The following MTX2 variants were observed in gnomAD, a reference collection of about 807,000 sequenced individuals.
MTX2 encodes metaxin 2, also known as metaxin-2.
Under a neutral mutation model 42.3 loss-of-function variants are expected in MTX2, and 35 were observed. The observed-to-expected ratio is 0.83, with a 90% CI of 0.63 to 1.10. MTX2 has a LOEUF of 1.10. Among genes scored for constraint, MTX2 ranks in the 50% least tolerant of loss-of-function variants. The pLI is 0.00. For missense variants in MTX2, 307 were observed against 304.1 expected (o/e 1.01, Z -0.07); for synonymous variants, 119 against 100.9 (o/e 1.18, Z -1.08).
At chr2:176,335,344 C>CA (rs1263168834) in intron 9 of MTX2, among the ~76,000 whole-genome samples, 2 of 152,020 alleles carry the variant, frequency 1.3e-5, no homozygotes, top group African/African-American at 4.8e-5. Context: ...GCTAAAGAGG[C>CA]AGGCAGAGGC....
chr2:176,304,369 C>A (rs1417745518), intron 3 of MTX2: 1 of 153,540 alleles, frequency 6.5e-6, no homozygotes, highest in African/African-American at 2.4e-5. Flanking sequence ...TTCACAGGTA[C>A]AAAGGAATTT....
chr2:176,300,485 A>G (rs190544654), intron 3 of MTX2, among the ~76,000 whole-genome samples: 3 of 152,248 alleles, frequency 2.0e-5, no homozygotes, highest in African/African-American at 7.2e-5. Flanking sequence ...TGTATTTTAC[A>G]CTTACAGTAC....
At chr2:176,270,384 T>C (rs368307266) in intron 1 of MTX2, 65 of 1,363,928 alleles carry the variant, frequency 4.8e-5, no homozygotes, top group Non-Finnish European at 6.1e-5. Flanking sequence ...AGAAATACTT[T>C]TGAGTCGGTG....
chr2:176,297,958 G>GC (rs1167561517), intron 3 of MTX2, 63 bp downstream of exon 3: 3 of 1,287,082 alleles, frequency 2.3e-6, no homozygotes, highest in Non-Finnish European at 2.1e-6. Flanking sequence ...ATTTTGACTT[G>GC]CAGTTATATT....
chr2:176,287,133 TAAG>T (rs1331893273), intron 1 of MTX2, among the ~76,000 whole-genome samples: 3 of 152,204 alleles, frequency 2.0e-5, no homozygotes, highest in Non-Finnish European at 4.4e-5. Context: ...AAGGTACACA[TAAG>T]GAGATAGGCC....
chr2:176,280,797 A>G (rs994632664), intron 1 of MTX2, among the ~76,000 whole-genome samples: 8 of 152,222 alleles, frequency 5.3e-5, no homozygotes, highest in Non-Finnish European at 1.2e-4. Flanking sequence ...AAATTTCCAC[A>G]TCACACAGTA....
At chr2:176,323,118 A>G (rs982395110) in intron 3 of MTX2, among the ~76,000 whole-genome samples, 1 of 151,912 alleles carries the variant, frequency 6.6e-6, no homozygotes, top group East Asian at 1.9e-4. Flanking sequence ...CTAATACAGT[A>G]ACATAAATGT....
chr2:176,332,358 A>G (rs1032270972), intron 9 of MTX2, among the ~76,000 whole-genome samples: 6 of 151,340 alleles, frequency 4.0e-5, no homozygotes, highest in South Asian at 2.1e-4. Context: ...GTGAGATACT[A>G]TGTTGAATAG....
At chr2:176,316,038 G>A (rs1307501505) in intron 3 of MTX2, among the ~76,000 whole-genome samples, 4 of 152,168 alleles carry the variant, frequency 2.6e-5, no homozygotes, top group African/African-American at 9.7e-5. Flanking sequence ...AAGACTTTAT[G>A]TTGCCTGCTT....
chr2:176,305,864 T>C (rs1684130297), intron 3 of MTX2, among the ~76,000 whole-genome samples: 1 of 152,142 alleles, frequency 6.6e-6, no homozygotes, highest in African/African-American at 2.4e-5. Flanking sequence ...TCACTCTCTT[T>C]AAAGCTTTTT....
At chr2:176,331,778 A>T (rs1323551860) in intron 9 of MTX2, among the ~76,000 whole-genome samples, 1 of 151,140 alleles carries the variant, frequency 6.6e-6, no homozygotes, top group East Asian at 1.9e-4. Context: ...AATGTATCCA[A>T]ATGTCAATAT....
At chr2:176,278,738 G>C (rs1428571026) in intron 1 of MTX2, among the ~76,000 whole-genome samples, 2 of 151,936 alleles carry the variant, frequency 1.3e-5, no homozygotes, top group African/African-American at 4.8e-5. Context: ...ATAGAGATGA[G>C]ATATTGAAAA....
intron 1 of MTX2, among the ~76,000 whole-genome samples, chr2:176,288,433 C>G (rs752735207): frequency 6.6e-6 from 1 of 151,974 alleles, no homozygotes; most frequent in African/African-American, 2.4e-5. Flanking sequence ...TGTTTAAGAG[C>G]TGCCGAATGC....
Position 176,286,329 on chromosome 2 carries a change from T to C in MTX2, c.41-10531T>C, listed in dbSNP as rs114956043. Among the ~76,000 whole-genome samples the C allele has an allele frequency of 5.8e-3, 881 of 152,334 alleles. 4 individuals carry two copies. The highest frequency in any genetic ancestry group is 0.02 in the African/African-American group (829 of 41,578). On this transcript the variant is annotated intron_variant, in intron 1 of 9. Coordinates refer to ENST00000249442, the MANE Select transcript of MTX2 (RefSeq NM_006554.5). ...TTATCATAATCATCATCTGCCTAAA[T>C]AGAAGTCTAGTTTGTATTTGACCAG... is the stretch of plus-strand genomic sequence containing the variant.
At chr2:176,294,278 CTTTT>C (rs750682515) in intron 1 of MTX2, among the ~76,000 whole-genome samples, 2 of 125,320 alleles carry the variant, frequency 1.6e-5, no homozygotes, top group South Asian at 2.6e-4. Context: ...GATGAATTAA[CTTTT>C]TTTTTTTTTT....
chr2:176,305,271 A>AT (rs1434502430), intron 3 of MTX2, among the ~76,000 whole-genome samples: 1 of 151,952 alleles, frequency 6.6e-6, no homozygotes, highest in Non-Finnish European at 1.5e-5. Context: ...AAGAATTTTA[A>AT]TTTTTTTGTT....
intron 3 of MTX2, among the ~76,000 whole-genome samples, chr2:176,305,310 G>A (rs573509085): frequency 1.3e-5 from 2 of 152,022 alleles, no homozygotes; most frequent in African/African-American, 4.8e-5. Flanking sequence ...GAATTTTCTT[G>A]TAAGTAACAA....
At chr2:176,331,170 AG>A (rs1167901598) in intron 9 of MTX2, among the ~76,000 whole-genome samples, 22 of 151,232 alleles carry the variant, frequency 1.5e-4, no homozygotes, top group Admixed American at 1.3e-4. Context: ...ATTAATATAA[AG>A]GATATAGGTT....
At chr2:176,282,126 G>GTTTTTTTTGTT (rs767511650) in intron 1 of MTX2, among the ~76,000 whole-genome samples, 2,056 of 26,306 alleles carry the variant, frequency 0.078, 279 homozygotes, top group South Asian at 0.1. Flanking sequence ...AGTTACAGTA[G>GTTTTTTTTGTT]TTTTTTTTTT....
Sources: allele counts gnomAD v4.1 joint callset (sites outside exome capture counted in the v4.1 genomes callset), GRCh38; gene constraint gnomAD v4.1.1; transcripts MANE v1.5; gene names NCBI Gene and HGNC (gene_info 2026-07-23, HGNC 2026-07-21).